Variants in CRY2 observed in about 807,000 individuals in gnomAD.
CRY2 encodes the protein cryptochrome-2.
Under a neutral mutation model 69.5 loss-of-function variants are expected in CRY2, and 31 were observed. The observed-to-expected ratio is 0.45, with a 90% confidence interval of 0.34 to 0.60. The LOEUF is 0.60. CRY2 is among the 20% of genes least tolerant of loss of function. The probability of loss-of-function intolerance (pLI) is 0.02; values close to 1 mark genes in which losing one functional copy is unlikely to be tolerated. For synonymous variants in CRY2, 303 were observed against 312.2 expected (o/e 0.97, Z 0.31); for missense variants, 606 against 797.8 (o/e 0.76, Z 2.90).
upstream of CRY2, chr11:45,847,304 C>A (rs2086156741): frequency 6.4e-7 from 1 of 1,570,720 alleles, no homozygotes; most frequent in African/African-American, 1.3e-5. Flanking sequence ...GGGGGCGGGC[C>A]TGTTCCGGCG....
chr11:45,848,152 G>C (rs1472694994), intron 1 of CRY2, among the ~76,000 whole-genome samples: 1 of 152,184 alleles, frequency 6.6e-6, no homozygotes, highest in East Asian at 1.9e-4. Context: ...GCTGGGCTCG[G>C]GGAGATCACT....
chr11:45,852,169 T>G (rs975529126), intron 1 of CRY2, among the ~76,000 whole-genome samples: 3 of 152,286 alleles, frequency 2.0e-5, no homozygotes, highest in African/African-American at 7.2e-5. Flanking sequence ...GTTGCACATG[T>G]TGTCTAATCC....
chr11:45,858,681 C>T, intron 2 of CRY2, 50 bp from the exon 3 acceptor site: 1 of 1,569,314 alleles, frequency 6.4e-7, no homozygotes, highest in Non-Finnish European at 8.6e-7. Flanking sequence ...GTCCAGCTTC[C>T]CCCTCCTCCC....
intron 2 of CRY2, among the ~76,000 whole-genome samples, chr11:45,858,036 T>A (rs1306526734): frequency 6.6e-6 from 1 of 152,230 alleles, no homozygotes; most frequent in East Asian, 1.9e-4. Context: ...TTCTGTGGGT[T>A]GACTGTACAA....
chr11:45,868,172 C>T (rs1020844597), intron 6 of CRY2, among the ~76,000 whole-genome samples: 1 of 152,106 alleles, frequency 6.6e-6, no homozygotes, highest in African/African-American at 2.4e-5. Context: ...AAAGGGGAGT[C>T]CAGGAACAGC....
At chr11:45,879,304 C>T (rs1379455572) in intron 11 of CRY2, among the ~76,000 whole-genome samples, 1 of 152,020 alleles carries the variant, frequency 6.6e-6, no homozygotes, top group Non-Finnish European at 1.5e-5. Context: ...CTTTATTTTG[C>T]CCAGCTTCCA....
intron 11 of CRY2, among the ~76,000 whole-genome samples, chr11:45,874,007 C>T (rs533703693): frequency 1.2e-4 from 19 of 152,284 alleles, no homozygotes; most frequent in Non-Finnish European, 2.6e-4. Context: ...CTGGGCCGGG[C>T]GCAGTGGCTC....
chr11:45,858,249 T>G (rs891345268), intron 2 of CRY2: 1 of 154,602 alleles, frequency 6.5e-6, no homozygotes, highest in Non-Finnish European at 1.4e-5. Context: ...TCAGGAGTGT[T>G]GCTGTGGAAA....
At position 45,870,455 on chromosome 11, in the gene CRY2, A is replaced by G. The variant is rs776632958; in HGVS notation, c.1472A>G (p.Asn491Ser). 25 of 1,614,108 alleles carry G rather than the reference A, an allele frequency of 1.5e-5. No homozygotes were observed. Among genetic ancestry groups the G allele is most frequent in the African/African-American group, 2.7e-5 (2 of 74,930 alleles). ...IGVDYPRPIV[N>S]HAETSRLNIE... ...GTGGACTACCCACGGCCCATCGTCA[A>G]CCATGCCGAGACCAGCCGGCTTAAC... The change falls in exon 9 of 12, where the codon AAC becomes AGC. Residue 491 changes from asparagine to serine, a missense_variant. Physicochemically the swap from Asn to Ser is conservative, Grantham distance 46 (BLOSUM62 1). This residue lies in a region of CRY2 where 173 missense variants were observed against 213.7 expected (regional missense o/e 0.81). Coordinates refer to ENST00000616080, the MANE Select transcript of CRY2 (RefSeq NM_021117.5).
intron 1 of CRY2, among the ~76,000 whole-genome samples, chr11:45,852,584 G>C (rs952960726): frequency 1.3e-5 from 2 of 152,316 alleles, no homozygotes; most frequent in East Asian, 3.9e-4. Flanking sequence ...TATTGCCTCC[G>C]TGTGGTGGCT....
chr11:45,858,686 C>G, intron 2 of CRY2, 45 bp from the exon 3 acceptor site: 1 of 1,576,974 alleles, frequency 6.3e-7, no homozygotes, highest in Non-Finnish European at 8.6e-7. Context: ...GCTTCCCCCT[C>G]CTCCCCAAAC....
At chr11:45,866,004 G>A (rs1590767746) in intron 5 of CRY2, among the ~76,000 whole-genome samples, 1 of 152,366 alleles carries the variant, frequency 6.6e-6, no homozygotes, top group Middle Eastern at 3.4e-3. Context: ...CAGGTTGGTG[G>A]CAGCAGGGAA....
intron 11 of CRY2, among the ~76,000 whole-genome samples, chr11:45,874,094 C>T (rs1274753965): frequency 6.6e-6 from 1 of 152,044 alleles, no homozygotes; most frequent in East Asian, 1.9e-4. Context: ...TCAGCCTCAT[C>T]AGCTTGGAGA....
At position 45,869,779 on chromosome 11, in the gene CRY2, C is replaced by T; in HGVS notation, c.1156C>T (p.Arg386Cys). Residue 386 changes from arginine to cysteine, a missense_variant, in exon 7 of 12, where the codon CGC (arginine) becomes TGC (cysteine). Physicochemically the swap from Arg to Cys is radical, Grantham distance 180. Around this residue, in one of 5 missense-constraint regions of CRY2, gnomAD observed 382 missense variants for 508.9 expected, o/e 0.75. Transcript: ENST00000616080. The part of the protein sequence containing the change: ...ARHAVACFLT[R>C]GDLWVSWESG... ...GCATGCCGTGGCCTGCTTCCTGACC[C>T]GCGGGGACCTCTGGGTCAGCTGGGA... The T allele has an allele frequency of 1.2e-6, 2 of 1,612,412 alleles. No individual in the cohort carries two copies. The highest frequency in any genetic ancestry group is 1.7e-6 in the Non-Finnish European group (2 of 1,178,810).
intron 1 of CRY2, among the ~76,000 whole-genome samples, chr11:45,852,128 C>T (rs912617269): frequency 6.6e-6 from 1 of 152,206 alleles, no homozygotes; most frequent in African/African-American, 2.4e-5. Context: ...CTGCCTCTGG[C>T]TCCAGAGCAC....
In CRY2 at chr11:45,870,657, G is replaced by A. The variant is rs79583274; in HGVS notation, c.1549+125G>A. Reference sequence around the variant, plus strand: ...TGCTGTCTTTCAGGTTGACACCTTCGCTGGGTATGGGACACTGCAGGCTGG... The same window carrying A: ...TGCTGTCTTTCAGGTTGACACCTTCACTGGGTATGGGACACTGCAGGCTGG... On this transcript the variant is annotated intron_variant, in intron 9 of 11. Coordinates refer to ENST00000616080, the MANE Select transcript of CRY2 (RefSeq NM_021117.5). 8.2e-4 allele frequency: 1,034 copies of A among 1,253,842 alleles called. 7 individuals are homozygous for A. In the African/African-American group the frequency reaches 0.013, roughly 16 times the overall value. The allele number at this position is 1,253,842 out of a possible 1,614,324, so 77.7% of individuals were successfully genotyped here.
At chr11:45,867,297 A>T in intron 5 of CRY2, 1 of 311,178 alleles carries the variant, frequency 3.2e-6, no homozygotes. Flanking sequence ...GTGCTTTCAG[A>T]ATTCTTTCAT....
chr11:45,853,692 A>C (rs1158110755), intron 1 of CRY2, among the ~76,000 whole-genome samples: 2 of 152,206 alleles, frequency 1.3e-5, no homozygotes, highest in East Asian at 3.8e-4. Flanking sequence ...TCCTAGCCCT[A>C]GGCATTCTAC....
intron 11 of CRY2, among the ~76,000 whole-genome samples, chr11:45,876,291 G>GTA (rs2086423995): frequency 6.6e-6 from 1 of 152,178 alleles, no homozygotes; most frequent in Non-Finnish European, 1.5e-5. Context: ...TGTACAGGGT[G>GTA]TACAGTCACT....
Sources: gnomAD v4.1 joint callset for allele counts (sites outside exome capture counted in the v4.1 genomes callset) on GRCh38, gnomAD v4.1.1 for gene constraint, gnomAD v4.1.1 regional missense constraint, MANE v1.5 for transcripts, NCBI Gene and HGNC (gene_info 2026-07-23, HGNC 2026-07-21) for gene names.